CSMD2: variants seen among roughly 807,000 people sequenced by gnomAD.
CSMD2 encodes CUB and sushi domain-containing protein 2.
In CSMD2, 130 loss-of-function variants were observed where a neutral mutation model predicts 398.5. That is an observed-to-expected ratio of 0.33 (90% CI 0.28 to 0.38). The LOEUF (loss-of-function observed/expected upper bound fraction) is 0.38, where lower values mean the gene tolerates loss of function less well. CSMD2 is among the 10% of genes least tolerant of loss of function. The pLI is 1.00. For synonymous variants in CSMD2, 1,828 were observed against 1,908.5 expected, an observed-to-expected ratio of 0.96 and a Z score of 1.10; for missense variants, 3,829 against 4,764.9, an observed-to-expected ratio of 0.80 and a Z score of 5.78.
chr1:33,520,149 C>T (rs555618690), intron 68 of CSMD2, among the ~76,000 whole-genome samples, 199 bp from the exon 69 acceptor site: 48 of 152,218 alleles, frequency 3.2e-4, no homozygotes, highest in Admixed American at 1.0e-3. Flanking sequence ...GGGCAGGGTC[C>T]TGCATGCATC....
chr1:33,877,273 C>G (rs1352246828), intron 5 of CSMD2, among the ~76,000 whole-genome samples: 2 of 152,196 alleles, frequency 1.3e-5, no homozygotes, highest in African/African-American at 2.4e-5. Context: ...GATTGTGTCA[C>G]AAGTTCTGGG....
chr1:33,806,080 C>A (rs1344596737), intron 10 of CSMD2, among the ~76,000 whole-genome samples: 1 of 152,000 alleles, frequency 6.6e-6, no homozygotes, highest in East Asian at 1.9e-4. Flanking sequence ...GAACAGGAGA[C>A]AAAATTCAGG....
intron 14 of CSMD2, among the ~76,000 whole-genome samples, chr1:33,741,599 C>G (rs116394355): frequency 2.6e-5 from 4 of 152,202 alleles, no homozygotes; most frequent in African/African-American, 9.7e-5. Flanking sequence ...AGAATCATTT[C>G]TGGCTGGGGG....
chr1:33,592,233 T>C (rs1639508424), intron 44 of CSMD2: 1 of 621,400 alleles, frequency 1.6e-6, no homozygotes, highest in Middle Eastern at 4.3e-4. Flanking sequence ...TTTCTGCACA[T>C]AGGATTGTTC....
At chr1:33,768,364 G>A (rs1001661863) in intron 13 of CSMD2, among the ~76,000 whole-genome samples, 3 of 152,148 alleles carry the variant, frequency 2.0e-5, no homozygotes, top group Admixed American at 1.3e-4. Flanking sequence ...AGATGACAGA[G>A]ATGTGTTAAA....
chr1:33,884,400 C>T (rs1641446511), intron 5 of CSMD2, among the ~76,000 whole-genome samples: 1 of 151,984 alleles, frequency 6.6e-6, no homozygotes, highest in South Asian at 2.1e-4. Context: ...TTTGCCACTT[C>T]CTGCCATCCC....
intron 2 of CSMD2, among the ~76,000 whole-genome samples, chr1:34,059,830 C>G (rs1178181049): frequency 1.3e-5 from 2 of 152,184 alleles, no homozygotes; most frequent in Non-Finnish European, 2.9e-5. Flanking sequence ...TCCTAATTCC[C>G]CTGCCCAGAT....
At chr1:33,705,094 TTC>T (rs1006204732) in intron 22 of CSMD2, among the ~76,000 whole-genome samples, 1 of 152,110 alleles carries the variant, frequency 6.6e-6, no homozygotes, top group African/African-American at 2.4e-5. Flanking sequence ...CTGATTTCTG[TTC>T]TTTTTAAAAT....
At chr1:33,553,586 A>G (rs1657667501) in intron 55 of CSMD2, among the ~76,000 whole-genome samples, 1 of 152,168 alleles carries the variant, frequency 6.6e-6, no homozygotes, top group Non-Finnish European at 1.5e-5. Context: ...CTCACTTTAA[A>G]TCAAAAGCTA....
chr1:34,094,480 C>G (rs1402396689), intron 1 of CSMD2, among the ~76,000 whole-genome samples: 1 of 152,136 alleles, frequency 6.6e-6, no homozygotes, highest in South Asian at 2.1e-4. Context: ...GATAAAGAGT[C>G]AAGACCCATC....
rs942549047 is a variant in CSMD2 at position 34,066,586 on chromosome 1, C to T, written c.404+22391G>A. Among the ~76,000 whole-genome samples, 9 of 152,222 alleles carry T rather than the reference C, an allele frequency of 5.9e-5. 1 individual carries two copies. The highest frequency in any genetic ancestry group is 1.9e-4 in the East Asian group (1 of 5,168). On this transcript the variant is annotated intron_variant, in intron 2 of 70. Transcript: ENST00000373381. ...CTAAGGCCCTGGGGGCTGGCTCTGA[C>T]GTGGAGTTAGAAGTCAGGGTCTGAG...
chr1:33,677,571 C>T (rs1037865783), intron 25 of CSMD2, among the ~76,000 whole-genome samples: 11 of 152,200 alleles, frequency 7.2e-5, no homozygotes, highest in Admixed American at 3.9e-4. Flanking sequence ...GGATCTAGAA[C>T]TAGAAATACC....
chr1:33,921,021 G>A (rs140471576), intron 4 of CSMD2, among the ~76,000 whole-genome samples: 1 of 152,182 alleles, frequency 6.6e-6, no homozygotes, highest in Non-Finnish European at 1.5e-5. Context: ...GACTTATTAG[G>A]CAGGACCGTC....
chr1:33,782,230 G>A (rs1319264318), intron 12 of CSMD2, among the ~76,000 whole-genome samples: 1 of 151,912 alleles, frequency 6.6e-6, no homozygotes, highest in Non-Finnish European at 1.5e-5. Flanking sequence ...TCTATCCTGT[G>A]TGGAACTCCC....
At chr1:33,841,770 G>A (rs937521561) in intron 6 of CSMD2, among the ~76,000 whole-genome samples, 1 of 152,174 alleles carries the variant, frequency 6.6e-6, no homozygotes, top group African/African-American at 2.4e-5. Context: ...AAACTGCTCA[G>A]GTTGAAGTAG....
chr1:34,084,893 G>A (rs1329587073), intron 2 of CSMD2, among the ~76,000 whole-genome samples: 1 of 152,150 alleles, frequency 6.6e-6, no homozygotes, highest in Non-Finnish European at 1.5e-5. Context: ...TATGCCCAAA[G>A]GATTATAAAT....
At chr1:33,918,904 T>A (rs1480389940) in intron 4 of CSMD2, among the ~76,000 whole-genome samples, 2 of 152,228 alleles carry the variant, frequency 1.3e-5, no homozygotes, top group Non-Finnish European at 2.9e-5. Context: ...TGACAGTAAC[T>A]AGCATTAGCC....
Position 34,013,447 on chromosome 1 carries a change from C to T in CSMD2, c.517+19147G>A, listed in dbSNP as rs548805898. Among the ~76,000 whole-genome samples the T allele has an allele frequency of 3.2e-4, 48 of 152,300 alleles. No homozygotes were observed. The South Asian group carries it at 5.2e-3, about 16-fold the overall frequency. Reference sequence around the variant, plus strand: ...CACCAGCTCTCCTGAGACCCCAAATCCCTCCACTCAGCCAACATGTGCTGA... The same window carrying T: ...CACCAGCTCTCCTGAGACCCCAAATTCCTCCACTCAGCCAACATGTGCTGA... On this transcript the variant is annotated intron_variant, in intron 3 of 70. Coordinates refer to ENST00000373381, the MANE Select transcript of CSMD2 (RefSeq NM_001281956.2).
intron 28 of CSMD2, among the ~76,000 whole-genome samples, chr1:33,650,617 T>G (rs74781323): frequency 0.015 from 2,268 of 152,244 alleles, 67 homozygotes; most frequent in African/African-American, 0.052. Flanking sequence ...GGAATGAAAC[T>G]CCAAAGTTTG....
Sources: gnomAD v4.1 joint callset for allele counts (sites outside exome capture counted in the v4.1 genomes callset) on GRCh38, gnomAD v4.1.1 for gene constraint, MANE v1.5 for transcripts, NCBI Gene and HGNC (gene_info 2026-07-23, HGNC 2026-07-21) for gene names.